The following RSU1 variants were observed in gnomAD, a reference collection of about 807,000 sequenced individuals.
The protein encoded by RSU1 is Ras suppressor protein 1.
RSU1 carries 26 observed loss-of-function variants against 31.1 expected under a neutral mutation model. The ratio of observed to expected loss-of-function variants is 0.84; its 90% CI spans 0.61 to 1.16. The LOEUF (loss-of-function observed/expected upper bound fraction) is 1.16, where lower values mean the gene tolerates loss of function less well. Among genes scored for constraint, RSU1 ranks in the 50% most tolerant of loss-of-function variants. The probability of loss-of-function intolerance (pLI) is 0.00; values close to 1 mark genes in which losing one functional copy is unlikely to be tolerated. For synonymous variants in RSU1, 164 were observed against 136.3 expected (o/e 1.20, Z -1.41); for missense variants, 320 against 339.1 (o/e 0.94, Z 0.44).
intron 8 of RSU1, among the ~76,000 whole-genome samples, chr10:16,666,247 C>G (rs1834985841): frequency 7.2e-6 from 1 of 138,040 alleles, no homozygotes; most frequent in Non-Finnish European, 1.6e-5. Flanking sequence ...TGCTGAACTT[C>G]AAGGATATGA....
At chr10:16,771,678 T>C (rs1328668956) in intron 3 of RSU1, among the ~76,000 whole-genome samples, 4 of 152,172 alleles carry the variant, frequency 2.6e-5, no homozygotes, top group Non-Finnish European at 5.9e-5. Flanking sequence ...AGGTGGACAA[T>C]AATGAACTAA....
At chr10:16,636,011 C>T (rs1480448613) in intron 8 of RSU1, among the ~76,000 whole-genome samples, 1 of 152,224 alleles carries the variant, frequency 6.6e-6, no homozygotes, top group Non-Finnish European at 1.5e-5. Context: ...ACTGGCTGCT[C>T]CTCCTCAGTT....
chr10:16,697,987 CT>C lies in RSU1; in HGVS notation c.599-2833del, dbSNP rs67816326. Among the ~76,000 whole-genome samples, 131 of 99,536 alleles carry C rather than the reference CT, an allele frequency of 1.3e-3. 1 individual carries two copies. Among genetic ancestry groups the C allele is most frequent in the Middle Eastern group, 5.6e-3 (1 of 180 alleles). The allele number at this position is 99,536 out of a possible 152,430, so 65.3% of individuals were successfully genotyped here. A position where few individuals can be genotyped will look rare whatever the true frequency, so the allele number is the denominator to read the frequency against. ...CAGAGGGGTGATTGCAGGAACACAC[CT>C]TTTTTTTTTTTTTTTTTTTTTTTTT... On this transcript the variant is annotated intron_variant, in intron 7 of 8. Coordinates refer to ENST00000345264, the MANE Select transcript of RSU1 (RefSeq NM_012425.4).
chr10:16,736,529 G>A (rs919270727), intron 7 of RSU1, among the ~76,000 whole-genome samples: 24 of 151,792 alleles, frequency 1.6e-4, no homozygotes, highest in South Asian at 2.1e-4. Context: ...AAAAATTAAC[G>A]ACCTGCTAGA....
rs11254129 is a variant in RSU1, at chr10:16,647,315, T to C, written c.731+47708A>G. On this transcript the variant is annotated intron_variant, in intron 8 of 8. Transcript: ENST00000345264. The stretch of plus-strand genomic sequence containing the variant: ...CATTGTGGATAGGTATGTAAAGTGG[T>C]TGCAGGTGCTTTGGAAAAGAGTCTG... Among the ~76,000 whole-genome samples the C allele has an allele frequency of 1.6e-3, 239 of 152,302 alleles. 1 individual carries two copies. The East Asian group carries it at 0.042, about 27-fold the overall frequency.
chr10:16,673,943 C>T (rs896414837), intron 8 of RSU1, among the ~76,000 whole-genome samples: 2 of 152,164 alleles, frequency 1.3e-5, no homozygotes, highest in Non-Finnish European at 2.9e-5. Context: ...TAGTTCAAAG[C>T]CTGCCAATTT....
At chr10:16,632,369 G>A (rs1012494957) in intron 8 of RSU1, among the ~76,000 whole-genome samples, 3 of 152,058 alleles carry the variant, frequency 2.0e-5, no homozygotes, top group Non-Finnish European at 4.4e-5. Flanking sequence ...TTGGGACTCC[G>A]TGCTGTCTTC....
rs563036781 is a variant in RSU1, at chr10:16,633,295, T to C, written c.732-39799A>G. ...GACTTTTGGGTAGCTATGGAGAGCA[T>C]CAGCCGAACATGGGAAACGAGTTGT... is the stretch of plus-strand genomic sequence containing the variant. On this transcript the variant is annotated intron_variant, in intron 8 of 8. Coordinates refer to ENST00000345264, the MANE Select transcript of RSU1 (RefSeq NM_012425.4). Among the ~76,000 whole-genome samples the C allele has an allele frequency of 2.0e-5, 3 of 152,238 alleles. No individual in the cohort carries two copies. The East Asian group carries it at 5.8e-4, about 29-fold the overall frequency.
chr10:16,759,338 A>C (rs1564347119), intron 4 of RSU1, among the ~76,000 whole-genome samples: 2 of 134,010 alleles, frequency 1.5e-5, no homozygotes, highest in Non-Finnish European at 3.1e-5. Flanking sequence ...CGTCTATACC[A>C]AAAAAAAAAC....
At chr10:16,657,820 C>T (rs928291098) in intron 8 of RSU1, among the ~76,000 whole-genome samples, 2 of 152,108 alleles carry the variant, frequency 1.3e-5, no homozygotes, top group East Asian at 1.9e-4. Flanking sequence ...TGGTGAAACC[C>T]GATCTCTACT....
intron 2 of RSU1, among the ~76,000 whole-genome samples, chr10:16,792,429 C>G (rs2131662515): frequency 6.6e-6 from 1 of 152,272 alleles, no homozygotes; most frequent in South Asian, 2.1e-4. Flanking sequence ...GACGGGGTTT[C>G]ATTACGTCGG....
intron 8 of RSU1, among the ~76,000 whole-genome samples, chr10:16,664,581 G>C (rs1834952572): frequency 6.6e-6 from 1 of 152,170 alleles, no homozygotes; most frequent in African/African-American, 2.4e-5. Flanking sequence ...ACCTGGGTTA[G>C]AGTCTGCAGT....
At chr10:16,772,648 AAAAAAAAAAAAAACAAG>A (rs1219501230) in intron 3 of RSU1, among the ~76,000 whole-genome samples, 1 of 151,162 alleles carries the variant, frequency 6.6e-6, no homozygotes, top group African/African-American at 2.4e-5. Flanking sequence ...TATGAAAAAA[AAAAAAAAAAAAAACAAG>A]AAAAAAAAAC....
chr10:16,664,833 A>G (rs1344413813), intron 8 of RSU1, among the ~76,000 whole-genome samples: 1 of 152,236 alleles, frequency 6.6e-6, no homozygotes, highest in Non-Finnish European at 1.5e-5. Flanking sequence ...ATTCTTGATA[A>G]AACTCTAGCC....
intron 8 of RSU1, among the ~76,000 whole-genome samples, chr10:16,650,282 A>G (rs1176671476): frequency 1.3e-5 from 2 of 152,176 alleles, no homozygotes; most frequent in Non-Finnish European, 2.9e-5. Flanking sequence ...CTCATTAATC[A>G]CCTTTCTATT....
At chr10:16,636,454 A>T (rs1834346159) in intron 8 of RSU1, among the ~76,000 whole-genome samples, 1 of 152,140 alleles carries the variant, frequency 6.6e-6, no homozygotes, top group African/African-American at 2.4e-5. Context: ...ACGACTTCTC[A>T]TCCTGTCTGT....
chr10:16,676,916 A>G (rs928131095), intron 8 of RSU1, among the ~76,000 whole-genome samples: 2 of 152,208 alleles, frequency 1.3e-5, no homozygotes, highest in African/African-American at 4.8e-5. Context: ...AATTAGAATC[A>G]GGGTGAATTG....
intron 8 of RSU1, among the ~76,000 whole-genome samples, chr10:16,624,222 G>C (rs947021090): frequency 6.7e-6 from 1 of 150,168 alleles, no homozygotes; most frequent in African/African-American, 2.5e-5. Flanking sequence ...GTGTGTGTCT[G>C]TAAGTGTGAA....
chr10:16,618,247 T>A (rs1281953390), intron 8 of RSU1, among the ~76,000 whole-genome samples: 5 of 152,118 alleles, frequency 3.3e-5, no homozygotes, highest in Admixed American at 3.3e-4. Context: ...CACTGGTCAT[T>A]AGAGAATGCA....
Sources: allele counts gnomAD v4.1 joint callset (sites outside exome capture counted in the v4.1 genomes callset), GRCh38; gene constraint gnomAD v4.1.1; transcripts MANE v1.5; gene names NCBI Gene and HGNC (gene_info 2026-07-23, HGNC 2026-07-21).